Variants in HS3ST5 observed in about 807,000 individuals in gnomAD.
HS3ST5 encodes heparan sulfate-glucosamine 3-sulfotransferase 5, also known as heparan sulfate glucosamine 3-O-sulfotransferase 5.
Under a neutral mutation model 25.4 loss-of-function variants are expected in HS3ST5, and 10 were observed. That is an observed-to-expected ratio of 0.39 (90% CI 0.24 to 0.67). The LOEUF (loss-of-function observed/expected upper bound fraction) is 0.67. HS3ST5 is among the 30% of genes least tolerant of loss of function. The pLI is 0.44. For synonymous variants in HS3ST5, 170 were observed against 162.4 expected, an observed-to-expected ratio of 1.05 and a Z score of -0.36; for missense variants, 324 against 420.7, an observed-to-expected ratio of 0.77 and a Z score of 2.01.
chr6:114,261,834 GC>G (rs1172239937), intron 1 of HS3ST5, among the ~76,000 whole-genome samples: 1 of 152,124 alleles, frequency 6.6e-6, no homozygotes, highest in Non-Finnish European at 1.5e-5. Context: ...GAGTGTTTCT[GC>G]CTCCATATTT....
intron 3 of HS3ST5, among the ~76,000 whole-genome samples, chr6:114,079,755 G>A (rs1244238207): frequency 6.6e-6 from 1 of 152,116 alleles, no homozygotes; most frequent in Non-Finnish European, 1.5e-5. Context: ...ATAGCCTTAT[G>A]AAATATATTT....
chr6:114,101,432 G>A (rs753486199), intron 3 of HS3ST5, among the ~76,000 whole-genome samples: 7 of 152,138 alleles, frequency 4.6e-5, no homozygotes, highest in Non-Finnish European at 8.8e-5. Context: ...AAAGCACCAC[G>A]TGGTTAAAAA....
intron 2 of HS3ST5, among the ~76,000 whole-genome samples, chr6:114,172,024 AT>A (rs771839042): frequency 2.0e-5 from 3 of 152,062 alleles, no homozygotes; most frequent in Non-Finnish European, 2.9e-5. Flanking sequence ...GGTTGGGGAG[AT>A]TTGTTCCCAT....
chr6:114,269,282 A>G (rs1385780110), intron 1 of HS3ST5, among the ~76,000 whole-genome samples: 1 of 152,166 alleles, frequency 6.6e-6, no homozygotes, highest in Non-Finnish European at 1.5e-5. Flanking sequence ...ACACAGCTTT[A>G]TGTAACAGAG....
chr6:114,194,193 C>T (rs1780634875), intron 2 of HS3ST5, among the ~76,000 whole-genome samples: 1 of 152,274 alleles, frequency 6.6e-6, no homozygotes, highest in East Asian at 1.9e-4. Context: ...TTTGCATTGA[C>T]TAAATCTGGG....
At chr6:114,212,509 A>G (rs987803017) in intron 2 of HS3ST5, among the ~76,000 whole-genome samples, 4 of 152,208 alleles carry the variant, frequency 2.6e-5, no homozygotes, top group Non-Finnish European at 5.9e-5. Context: ...GCAGTTTACT[A>G]TTCCCTACTA....
At chr6:114,340,728 T>C (rs1776793918) in intron 1 of HS3ST5, 1 of 152,218 alleles carries the variant, frequency 6.6e-6, no homozygotes, top group Non-Finnish European at 1.5e-5. Context: ...AAAACCTTTT[T>C]TAAAAAATAA....
intron 2 of HS3ST5, among the ~76,000 whole-genome samples, chr6:114,192,578 T>C (rs1373907982): frequency 6.6e-6 from 1 of 152,194 alleles, no homozygotes; most frequent in Non-Finnish European, 1.5e-5. Flanking sequence ...AGGCTTTGTC[T>C]TGTCAAAATT....
intron 1 of HS3ST5, among the ~76,000 whole-genome samples, chr6:114,252,222 T>G (rs1293248208): frequency 6.6e-6 from 1 of 152,188 alleles, no homozygotes; most frequent in Non-Finnish European, 1.5e-5. Flanking sequence ...AGATTATTGC[T>G]TAGGTGTTTG....
chr6:114,082,730 T>C (rs571138579), intron 3 of HS3ST5, among the ~76,000 whole-genome samples: 91 of 152,344 alleles, frequency 6.0e-4, no homozygotes, highest in African/African-American at 2.2e-3. Context: ...CTTTTAAACT[T>C]AACTTCCTCG....
intron 1 of HS3ST5, among the ~76,000 whole-genome samples, chr6:114,243,386 T>C (rs981118554): frequency 2.0e-5 from 3 of 152,218 alleles, no homozygotes; most frequent in Non-Finnish European, 2.9e-5. Context: ...TCTGACTTCT[T>C]AAATAAAATA....
intron 3 of HS3ST5, among the ~76,000 whole-genome samples, chr6:114,089,539 T>TCAA (rs1228456786): frequency 6.6e-6 from 1 of 152,242 alleles, no homozygotes; most frequent in Non-Finnish European, 1.5e-5. Flanking sequence ...CATCAAATTT[T>TCAA]CAAAGCAAAC....
At chr6:114,078,632 G>A (rs972109943) in intron 3 of HS3ST5, among the ~76,000 whole-genome samples, 1 of 152,176 alleles carries the variant, frequency 6.6e-6, no homozygotes, top group African/African-American at 2.4e-5. Context: ...TTCTATAGAT[G>A]AGGAAGCCAA....
chr6:114,176,781 A>G (rs1020395820), intron 2 of HS3ST5, among the ~76,000 whole-genome samples: 1 of 152,184 alleles, frequency 6.6e-6, no homozygotes, highest in Non-Finnish European at 1.5e-5. Context: ...AGCATAGAGA[A>G]AGGCTCTGGG....
intron 1 of HS3ST5, among the ~76,000 whole-genome samples, chr6:114,233,874 A>G (rs1771728860): frequency 6.6e-6 from 1 of 152,350 alleles, no homozygotes; most frequent in Middle Eastern, 3.4e-3. Flanking sequence ...CATTCCAAAT[A>G]AGAGAAATAT....
intron 2 of HS3ST5, among the ~76,000 whole-genome samples, chr6:114,198,508 G>A (rs1278380345): frequency 6.6e-6 from 1 of 152,106 alleles, no homozygotes; most frequent in Non-Finnish European, 1.5e-5. Flanking sequence ...TCAACCCAAA[G>A]GAACAATCAG....
chr6:114,212,365 A>G (rs1008499741), intron 2 of HS3ST5, among the ~76,000 whole-genome samples: 4 of 152,144 alleles, frequency 2.6e-5, no homozygotes, highest in African/African-American at 9.7e-5. Flanking sequence ...TTGATGTTTC[A>G]TTGCTCTTTT....
chr6:114,172,390 A>C (rs921956392), intron 2 of HS3ST5, among the ~76,000 whole-genome samples: 1 of 152,266 alleles, frequency 6.6e-6, no homozygotes, highest in South Asian at 2.1e-4. Flanking sequence ...TTAGGTAGTA[A>C]TCAAAGCCAA....
At chr6:114,219,488 G>T (rs1028854935) in intron 2 of HS3ST5, among the ~76,000 whole-genome samples, 1 of 152,162 alleles carries the variant, frequency 6.6e-6, no homozygotes, top group African/African-American at 2.4e-5. Context: ...GGGGGAAGGG[G>T]TAGAGGGAAA....
Sources: allele counts gnomAD v4.1 joint callset (sites outside exome capture counted in the v4.1 genomes callset), GRCh38; gene constraint gnomAD v4.1.1; transcripts MANE v1.5; gene names NCBI Gene and HGNC (gene_info 2026-07-23, HGNC 2026-07-21).